GALK2: variants seen among roughly 807,000 people sequenced by gnomAD.
GALK2 encodes the protein N-acetylgalactosamine kinase.
GALK2 carries 36 observed loss-of-function variants against 52.4 expected under a neutral mutation model. That is an observed-to-expected ratio of 0.69 (90% CI 0.53 to 0.91). GALK2 has a LOEUF of 0.91. Ranked by LOEUF, GALK2 falls within the 40% of genes least tolerant of loss-of-function variation. The probability of loss-of-function intolerance (pLI) is 0.00; values close to 1 mark genes in which losing one functional copy is unlikely to be tolerated. For synonymous variants in GALK2, 176 were observed against 199.1 expected (o/e 0.88, Z 0.98); for missense variants, 579 against 559.1 (o/e 1.04, Z -0.36).
chr15:49,168,167 G>A (rs1463404527), upstream of GALK2, among the ~76,000 whole-genome samples: 1 of 152,136 alleles, frequency 6.6e-6, no homozygotes, highest in Non-Finnish European at 1.5e-5. Flanking sequence ...GTCTGCATCG[G>A]TTTTGTTGAG....
At chr15:49,286,583 ATG>A (rs1238750182) in intron 7 of GALK2, among the ~76,000 whole-genome samples, 2 of 152,182 alleles carry the variant, frequency 1.3e-5, no homozygotes, top group East Asian at 3.8e-4. Flanking sequence ...TATGATTTAA[ATG>A]TTTTGAATTT....
At chr15:49,185,656 C>T (rs1006362505) in intron 1 of GALK2, 1 of 152,148 alleles carries the variant, frequency 6.6e-6, no homozygotes, top group African/African-American at 2.4e-5. Flanking sequence ...TTGGTAACAG[C>T]CATTCTGACT....
chr15:49,219,507 G>A (rs1305863059), intron 3 of GALK2, among the ~76,000 whole-genome samples: 1 of 152,084 alleles, frequency 6.6e-6, no homozygotes, highest in Non-Finnish European at 1.5e-5. Flanking sequence ...AACTAATATA[G>A]CCTTTTAAAG....
upstream of GALK2, among the ~76,000 whole-genome samples, chr15:49,165,787 A>G (rs2084799025): frequency 1.3e-5 from 2 of 150,804 alleles, no homozygotes; most frequent in African/African-American, 2.4e-5. Context: ...TCTGGGCCCA[A>G]GATAATGTAT....
At chr15:49,338,198 G>A (rs990947158) in intron 3 of GALK2, among the ~76,000 whole-genome samples, 15 of 152,088 alleles carry the variant, frequency 9.9e-5, no homozygotes, top group African/African-American at 3.4e-4. Context: ...TGTTTTGCCC[G>A]TTAATTATGT....
downstream of GALK2, among the ~76,000 whole-genome samples, chr15:49,332,357 A>G (rs963656532): frequency 6.6e-6 from 1 of 152,174 alleles, no homozygotes; most frequent in Non-Finnish European, 1.5e-5. Context: ...CACAGGAAAG[A>G]AAGAGAGGGA....
chr15:49,258,784 A>ATG (rs1428836072), intron 5 of GALK2, among the ~76,000 whole-genome samples: 24 of 102,692 alleles, frequency 2.3e-4, no homozygotes, highest in African/African-American at 9.8e-4. Flanking sequence ...AAGCATATAT[A>ATG]TATATATATA....
chr15:49,315,378 G>T (rs1458670950), intron 8 of GALK2, among the ~76,000 whole-genome samples: 3 of 152,208 alleles, frequency 2.0e-5, no homozygotes, highest in African/African-American at 7.2e-5. Flanking sequence ...CTTATAGACA[G>T]CTGGAACATC....
intron 1 of GALK2, among the ~76,000 whole-genome samples, chr15:49,193,362 CTT>C (rs79026943): frequency 2.1e-5 from 3 of 140,092 alleles, no homozygotes; most frequent in Non-Finnish European, 1.6e-5. Context: ...TTTTAAGAGG[CTT>C]TTTTTTTTTA....
intron 3 of GALK2, among the ~76,000 whole-genome samples, chr15:49,231,500 A>G (rs950465840): frequency 1.3e-5 from 2 of 152,168 alleles, no homozygotes; most frequent in African/African-American, 4.8e-5. Flanking sequence ...TCCAAAATTC[A>G]GTCATCCTTC....
chr15:49,250,271 A>G (rs948711976), intron 5 of GALK2, among the ~76,000 whole-genome samples: 2 of 152,188 alleles, frequency 1.3e-5, no homozygotes, highest in African/African-American at 4.8e-5. Context: ...ATTCAAAGAG[A>G]AAAGGTTAAT....
chr15:49,275,493 G>C (rs1278089558), intron 5 of GALK2, among the ~76,000 whole-genome samples: 4 of 152,194 alleles, frequency 2.6e-5, no homozygotes, highest in Non-Finnish European at 4.4e-5. Context: ...GAATGGGTCT[G>C]TTTATTTCCT....
At chr15:49,289,831 A>T (rs779942551) in intron 7 of GALK2, among the ~76,000 whole-genome samples, 1 of 152,136 alleles carries the variant, frequency 6.6e-6, no homozygotes, top group East Asian at 1.9e-4. Flanking sequence ...TCTGAGAGAA[A>T]CCAACCTAAA....
intron 3 of GALK2, among the ~76,000 whole-genome samples, chr15:49,225,034 C>T (rs1336670289): frequency 6.6e-6 from 1 of 152,184 alleles, no homozygotes; most frequent in East Asian, 1.9e-4. Context: ...TGGTGGCCAG[C>T]AGATAGGCTC....
chr15:49,317,913 G>T (rs1449139790), intron 8 of GALK2, among the ~76,000 whole-genome samples: 1 of 152,110 alleles, frequency 6.6e-6, no homozygotes, highest in Non-Finnish European at 1.5e-5. Flanking sequence ...CTGTCAGTGG[G>T]TTGGGAGCTA....
intron 5 of GALK2, among the ~76,000 whole-genome samples, chr15:49,273,419 A>C (rs919354525): frequency 1.5e-4 from 23 of 152,148 alleles, no homozygotes; most frequent in Admixed American, 9.2e-4. Flanking sequence ...CAGTTTGGGA[A>C]TTGGCTGTCT....
At chr15:49,209,649 A>G (rs890184076) in intron 2 of GALK2, among the ~76,000 whole-genome samples, 2 of 152,114 alleles carry the variant, frequency 1.3e-5, no homozygotes, top group South Asian at 2.1e-4. Flanking sequence ...GGATTTGTGT[A>G]TGTTGAACCC....
At chr15:49,337,508 CTTT>C (rs33973907) in intron 3 of GALK2, among the ~76,000 whole-genome samples, 4 of 36,076 alleles carry the variant, frequency 1.1e-4, no homozygotes, top group Non-Finnish European at 2.0e-4. Context: ...CATTTACCCA[CTTT>C]TTTTTTTTTT....
intron 1 of GALK2, chr15:49,156,079 A>G: frequency 6.6e-7 from 1 of 1,512,880 alleles, no homozygotes. Context: ...GGTGTTCCTA[A>G]GATACTTGGA....
Sources: allele counts gnomAD v4.1 joint callset (sites outside exome capture counted in the v4.1 genomes callset), GRCh38; gene constraint gnomAD v4.1.1; transcripts MANE v1.5; gene names NCBI Gene and HGNC (gene_info 2026-07-23, HGNC 2026-07-21).